The following DEGS2 variants were observed in gnomAD, a reference collection of about 807,000 sequenced individuals.
DEGS2 encodes the protein delta 4-desaturase, sphingolipid 2, also known as sphingolipid delta(4)-desaturase/C4-monooxygenase DES2.
DEGS2 carries 19 observed loss-of-function variants against 23.8 expected under a neutral mutation model. The ratio of observed to expected loss-of-function variants is 0.80; its 90% CI spans 0.56 to 1.17. The LOEUF (loss-of-function observed/expected upper bound fraction) is 1.17, where lower values mean the gene tolerates loss of function less well. Among genes scored for constraint, DEGS2 ranks in the 50% most tolerant of loss-of-function variants. DEGS2 has a pLI of 0.00. For missense variants in DEGS2, 390 were observed against 459.5 expected, an observed-to-expected ratio of 0.85 and a Z score of 1.38; for synonymous variants, 218 against 213.7, an observed-to-expected ratio of 1.02 and a Z score of -0.18.
chr14:100,159,077 G>A (rs1204171268), intron 1 of DEGS2, among the ~76,000 whole-genome samples: 1 of 152,196 alleles, frequency 6.6e-6, no homozygotes, highest in Admixed American at 6.5e-5. Context: ...CAGGGGCTCT[G>A]AGCGCAGCAG....
In DEGS2 at chr14:100,146,724, T is replaced by C. The variant is rs766914156; in HGVS notation, c.*37A>G. On this transcript the variant is annotated 3_prime_UTR_variant, in exon 3 of 3. Coordinates refer to ENST00000305631, the MANE Select transcript of DEGS2 (RefSeq NM_206918.3). ...CTGGGGTGCAAGGCTGAGGGGCCGATGGGGGACAATGGCCACCACCAGGAG... is the reference window on the plus strand; with the variant it reads ...CTGGGGTGCAAGGCTGAGGGGCCGACGGGGGACAATGGCCACCACCAGGAG... The C allele has an allele frequency of 6.2e-7, 1 of 1,607,422 alleles. No homozygotes were observed. The highest frequency in any genetic ancestry group is 2.2e-5 in the East Asian group (1 of 44,814).
rs1065377 is a variant in DEGS2, at chr14:100,144,059, C to T, written c.*2702G>A. 2.5e-6 allele frequency: 1 copy of T among 395,764 alleles called. No homozygotes were observed. Among genetic ancestry groups the T allele is most frequent in the Non-Finnish European group, 4.6e-6 (1 of 218,378 alleles). 24.5% of individuals were successfully genotyped at this position (395,764 alleles called of 1,614,324 possible). On this transcript the variant is annotated 3_prime_UTR_variant, in exon 3 of 3. Coordinates refer to ENST00000305631, the MANE Select transcript of DEGS2 (RefSeq NM_206918.3). Reference sequence around the variant, plus strand: ...CTTCATTAGACGGTTTCCAGGTTTTCTCCCAGGTGACGCTGTTAGCGCCTC... The same window carrying T: ...CTTCATTAGACGGTTTCCAGGTTTTTTCCCAGGTGACGCTGTTAGCGCCTC...
At chr14:100,151,929 A>C (rs916748861) in intron 1 of DEGS2, among the ~76,000 whole-genome samples, 1 of 152,106 alleles carries the variant, frequency 6.6e-6, no homozygotes, top group Non-Finnish European at 1.5e-5. Context: ...GGGAGTGGGG[A>C]CGTGCCAGGA....
chr14:100,152,166 A>AG (rs1204191341), intron 1 of DEGS2, among the ~76,000 whole-genome samples: 2 of 151,988 alleles, frequency 1.3e-5, no homozygotes, highest in African/African-American at 4.8e-5. Flanking sequence ...AGGCAAGGCG[A>AG]GGGTGAGATG....
chr14:100,152,533 C>T (rs1889590046), intron 1 of DEGS2, among the ~76,000 whole-genome samples: 1 of 152,168 alleles, frequency 6.6e-6, no homozygotes, highest in East Asian at 1.9e-4. Flanking sequence ...ACAAGGGTCT[C>T]CCTCCTGTCT....
the DEGS2 span, among the ~76,000 whole-genome samples, chr14:100,166,778 G>C: frequency 1.3e-5 from 2 of 152,130 alleles, no homozygotes; most frequent in Non-Finnish European, 2.9e-5. Flanking sequence ...GAAATCAAAA[G>C]GAAAAATGTT....
chr14:100,148,717 T>C (rs1225785503), intron 2 of DEGS2, among the ~76,000 whole-genome samples: 1 of 152,256 alleles, frequency 6.6e-6, no homozygotes, highest in Non-Finnish European at 1.5e-5. Context: ...CATGGCGGCA[T>C]CAAGCAGCCT....
intron 2 of DEGS2, among the ~76,000 whole-genome samples, chr14:100,147,762 G>T (rs1889478732): frequency 6.6e-6 from 1 of 151,604 alleles, no homozygotes; most frequent in Admixed American, 6.6e-5. Context: ...GGACAGCGGG[G>T]CCAGCACCAG....
intron 2 of DEGS2, 121 bp from the exon 3 acceptor site, chr14:100,147,028 T>C (rs1196797987): frequency 6.7e-6 from 8 of 1,198,932 alleles, no homozygotes; most frequent in Non-Finnish European, 9.4e-6. Context: ...TACGAACATG[T>C]TTGCGCGCGC....
intron 2 of DEGS2, among the ~76,000 whole-genome samples, chr14:100,147,916 C>T (rs1209814835): frequency 4.6e-5 from 7 of 152,140 alleles, no homozygotes; most frequent in Non-Finnish European, 5.9e-5. Context: ...ACCTCTCCCC[C>T]GTGCCTCTGC....
chr14:100,154,574 G>A (rs748905823), intron 1 of DEGS2, among the ~76,000 whole-genome samples: 1 of 152,190 alleles, frequency 6.6e-6, no homozygotes, highest in African/African-American at 2.4e-5. Flanking sequence ...GGTGTGAAAC[G>A]TCTGCACACT....
the DEGS2 span, among the ~76,000 whole-genome samples, chr14:100,165,542 G>T: frequency 6.6e-6 from 1 of 152,224 alleles, no homozygotes; most frequent in Non-Finnish European, 1.5e-5. Flanking sequence ...GTGGAGTGAG[G>T]CGCCACTGCG....
chr14:100,155,450 G>A (rs1889642129), intron 1 of DEGS2, among the ~76,000 whole-genome samples: 1 of 152,212 alleles, frequency 6.6e-6, no homozygotes, highest in African/African-American at 2.4e-5. Context: ...TCCAGTGTGG[G>A]AGGCACCCTG....
chr14:100,147,367 G>A (rs1045417088), intron 2 of DEGS2, among the ~76,000 whole-genome samples: 2 of 152,182 alleles, frequency 1.3e-5, no homozygotes, highest in African/African-American at 4.8e-5. Context: ...CAGCGCCTGC[G>A]CAGTGCTGAG....
intron 2 of DEGS2, among the ~76,000 whole-genome samples, chr14:100,147,223 A>G (rs56328666): frequency 6.6e-6 from 1 of 152,256 alleles, no homozygotes; most frequent in Non-Finnish European, 1.5e-5. Flanking sequence ...TGCGCCCAGG[A>G]CGCTGTGGCA....
chr14:100,150,427 G>A (rs1041408862), intron 1 of DEGS2, among the ~76,000 whole-genome samples: 6 of 104,172 alleles, frequency 5.8e-5, no homozygotes, highest in Non-Finnish European at 1.1e-4. Flanking sequence ...GCAACCAGCC[G>A]CTGCTTCCCC....
At chr14:100,157,769 G>C (rs145737214) in intron 1 of DEGS2, among the ~76,000 whole-genome samples, 231 of 152,236 alleles carry the variant, frequency 1.5e-3, no homozygotes, top group Non-Finnish European at 1.2e-3. Flanking sequence ...TCAGTATGCT[G>C]CCATGGGATT....
chr14:100,146,670 G>A lies in DEGS2; in HGVS notation c.*91C>T, dbSNP rs1016202926. The A allele has an allele frequency of 3.3e-6, 5 of 1,535,742 alleles. No individual in the cohort carries two copies. The highest frequency in any genetic ancestry group is 1.4e-5 in the African/African-American group (1 of 73,226). On this transcript the variant is annotated 3_prime_UTR_variant, in exon 3 of 3. Transcript: ENST00000305631. ...TCGGGGACAAGGGCAGCAGTCCAGA[G>A]CACAGGAAGGAAATGTAGCTTCTCA...
chr14:100,146,743 C>T lies in DEGS2; in HGVS notation c.*18G>A, dbSNP rs777600068. ...GGCCGATGGGGGACAATGGCCACCACCAGGAGGCAGCCCGGGCTCACAGAC... is the reference window on the plus strand; with the variant it reads ...GGCCGATGGGGGACAATGGCCACCATCAGGAGGCAGCCCGGGCTCACAGAC... On this transcript the variant is annotated 3_prime_UTR_variant, in exon 3 of 3. Coordinates refer to ENST00000305631, the MANE Select transcript of DEGS2 (RefSeq NM_206918.3). 2.5e-6 allele frequency: 4 copies of T among 1,611,434 alleles called. No homozygotes were observed. The South Asian group carries it at 4.4e-5, about 18-fold the overall frequency.
Sources: gnomAD v4.1 joint callset for allele counts (sites outside exome capture counted in the v4.1 genomes callset) on GRCh38, gnomAD v4.1.1 for gene constraint, MANE v1.5 for transcripts, NCBI Gene and HGNC (gene_info 2026-07-23, HGNC 2026-07-21) for gene names.